TACR1: variants seen among roughly 807,000 people sequenced by gnomAD.
TACR1 encodes substance-P receptor.
In TACR1, 25 loss-of-function variants were observed where a neutral mutation model predicts 35.8. The observed-to-expected ratio is 0.70, with a 90% confidence interval of 0.51 to 0.98. TACR1 has a LOEUF of 0.98. Ranked by LOEUF, TACR1 falls within the 50% of genes least tolerant of loss-of-function variation. TACR1 has a pLI of 0.00. For missense variants in TACR1, 478 were observed against 522.9 expected, an observed-to-expected ratio of 0.91 and a Z score of 0.84; for synonymous variants, 195 against 206.7, an observed-to-expected ratio of 0.94 and a Z score of 0.48.
chr2:75,062,527 G>T (rs1672690332), intron 2 of TACR1, among the ~76,000 whole-genome samples: 1 of 152,232 alleles, frequency 6.6e-6, no homozygotes, highest in Admixed American at 6.5e-5. Context: ...TTGCATGGAG[G>T]TACCATAGTT....
chr2:75,084,540 G>C (rs1177181268), intron 2 of TACR1, among the ~76,000 whole-genome samples: 3 of 152,244 alleles, frequency 2.0e-5, no homozygotes, highest in Admixed American at 6.5e-5. Flanking sequence ...GAATTCGGCT[G>C]TGAGTCCGTC....
At chr2:75,170,418 T>C (rs1675248891) in intron 1 of TACR1, among the ~76,000 whole-genome samples, 1 of 152,222 alleles carries the variant, frequency 6.6e-6, no homozygotes, top group Admixed American at 6.5e-5. Flanking sequence ...AATTACCCAA[T>C]CCTGAGTATG....
Position 75,120,597 on chromosome 2 carries a change from A to T in TACR1, c.561T>A (p.His187Gln). 1 of 1,606,158 alleles carries T rather than the reference A, an allele frequency of 6.2e-7. No individual in the cohort carries two copies. The change falls in exon 2 of 5, where the codon CAT (histidine) becomes CAA (glutamine). Residue 187 changes from histidine to glutamine, a missense_variant. His to Gln is a conservative substitution (Grantham distance 24). Transcript: ENST00000305249. ...ACACTTTCTCATAAATCTTGTTCGG[A>T]TGCTCTGGCCATTCGATCATGCACA... is the stretch of plus-strand genomic sequence containing the variant. ...RVVCMIEWPE[H>Q]PNKIYEKVYH...
At chr2:75,147,892 G>A (rs1490130862) in intron 1 of TACR1, among the ~76,000 whole-genome samples, 1 of 151,992 alleles carries the variant, frequency 6.6e-6, no homozygotes, top group East Asian at 1.9e-4. Context: ...GTACAGGCAT[G>A]TGCCACCACA....
At chr2:75,162,813 G>C (rs3821319) in intron 1 of TACR1, among the ~76,000 whole-genome samples, 53,607 of 152,074 alleles carry the variant, frequency 0.35, 10,807 homozygotes, top group South Asian at 0.5. Flanking sequence ...CAAAAATTTT[G>C]TTGATGTTTC....
intron 2 of TACR1, among the ~76,000 whole-genome samples, chr2:75,119,282 A>G (rs1188854178): frequency 6.6e-6 from 1 of 152,224 alleles, no homozygotes; most frequent in African/African-American, 2.4e-5. Context: ...TTTGATCTTC[A>G]CAAGAATTGT....
intron 1 of TACR1, among the ~76,000 whole-genome samples, chr2:75,153,826 T>A (rs3771836): frequency 1.3e-5 from 2 of 151,988 alleles, no homozygotes; most frequent in Non-Finnish European, 2.9e-5. Flanking sequence ...TCCTCACGTA[T>A]CCTCTCTTCC....
intron 1 of TACR1, among the ~76,000 whole-genome samples, chr2:75,122,383 C>T (rs1166066332): frequency 6.6e-6 from 1 of 152,216 alleles, no homozygotes; most frequent in Admixed American, 6.5e-5. Context: ...CCTCTTATCA[C>T]TGTAAACTTT....
At chr2:75,148,288 T>A (rs1674592463) in intron 1 of TACR1, among the ~76,000 whole-genome samples, 1 of 152,214 alleles carries the variant, frequency 6.6e-6, no homozygotes, top group Non-Finnish European at 1.5e-5. Context: ...CCTTGAGGAA[T>A]CACCACACTG....
chr2:75,162,753 C>CT (rs2103996333), intron 1 of TACR1, among the ~76,000 whole-genome samples: 1 of 152,236 alleles, frequency 6.6e-6, no homozygotes, highest in African/African-American at 2.4e-5. Context: ...TGCTTAAAAT[C>CT]TTTTTGCACA....
At chr2:75,145,594 A>T (rs1558568194) in intron 1 of TACR1, among the ~76,000 whole-genome samples, 2 of 152,246 alleles carry the variant, frequency 1.3e-5, no homozygotes, top group South Asian at 4.1e-4. Flanking sequence ...TACATAATAT[A>T]ATGGAAATAA....
intron 3 of TACR1, 116 bp downstream of exon 3, chr2:75,053,489 C>T: frequency 7.6e-7 from 1 of 1,308,040 alleles, no homozygotes; most frequent in African/African-American, 1.5e-5. Flanking sequence ...TCTGTTGCTC[C>T]CCATACCTGG....
intron 2 of TACR1, among the ~76,000 whole-genome samples, chr2:75,074,515 C>T (rs1672941269): frequency 6.6e-6 from 1 of 152,108 alleles, no homozygotes; most frequent in Non-Finnish European, 1.5e-5. Context: ...TTTGAAATGT[C>T]TTGTTAAGAT....
chr2:75,092,013 G>A (rs1673322418), intron 2 of TACR1, among the ~76,000 whole-genome samples: 3 of 152,164 alleles, frequency 2.0e-5, no homozygotes, highest in Non-Finnish European at 4.4e-5. Flanking sequence ...CTTTATATGA[G>A]GAAATGGGCA....
chr2:75,090,166 A>G (rs994357556), intron 2 of TACR1, among the ~76,000 whole-genome samples: 1 of 152,156 alleles, frequency 6.6e-6, no homozygotes, highest in Non-Finnish European at 1.5e-5. Flanking sequence ...CTGAATGTCC[A>G]TCCTCCTATC....
chr2:75,050,656 C>T (rs114161662), intron 4 of TACR1, among the ~76,000 whole-genome samples: 199 of 152,342 alleles, frequency 1.3e-3, no homozygotes, highest in Non-Finnish European at 2.1e-3. Context: ...CTCCCCAACC[C>T]CTTTGACTAA....
intron 1 of TACR1, among the ~76,000 whole-genome samples, chr2:75,135,734 A>G (rs1674274519): frequency 6.6e-6 from 1 of 152,192 alleles, no homozygotes; most frequent in South Asian, 2.1e-4. Context: ...ACACTTCAGC[A>G]TGATGATTGC....
chr2:75,146,079 T>A (rs1674504838), intron 1 of TACR1, among the ~76,000 whole-genome samples: 1 of 152,126 alleles, frequency 6.6e-6, no homozygotes, highest in African/African-American at 2.4e-5. Context: ...GTATAAGACA[T>A]AGGAGGAAGG....
intron 2 of TACR1, among the ~76,000 whole-genome samples, chr2:75,099,606 C>A (rs1272395925): frequency 6.6e-6 from 1 of 152,150 alleles, no homozygotes; most frequent in East Asian, 1.9e-4. Flanking sequence ...CCACAGCTGC[C>A]CCAGAGGCTG....
Sources: allele counts gnomAD v4.1 joint callset (sites outside exome capture counted in the v4.1 genomes callset), GRCh38; gene constraint gnomAD v4.1.1; transcripts MANE v1.5; gene names NCBI Gene and HGNC (gene_info 2026-07-23, HGNC 2026-07-21).